DDX51: variants seen among roughly 807,000 people sequenced by gnomAD.
DDX51 encodes ATP-dependent RNA helicase DDX51.
DDX51 carries 67 observed loss-of-function variants against 74.6 expected under a neutral mutation model. The observed-to-expected ratio is 0.90, with a 90% CI of 0.74 to 1.10. The LOEUF is 1.10. Among genes scored for constraint, DDX51 ranks in the 50% least tolerant of loss-of-function variants. The probability of loss-of-function intolerance (pLI) is 0.00; values close to 1 mark genes in which losing one functional copy is unlikely to be tolerated. For synonymous variants in DDX51, 545 were observed against 402.9 expected, an observed-to-expected ratio of 1.35 and a Z score of -4.22; for missense variants, 1,056 against 905.2, an observed-to-expected ratio of 1.17 and a Z score of -2.14.
chr12:132,143,798 G>C lies in DDX51; in HGVS notation c.416C>G (p.Ala139Gly). 6.6e-7 allele frequency: 1 copy of C among 1,523,712 alleles called. No individual in the cohort carries two copies. Among genetic ancestry groups the C allele is most frequent in the Non-Finnish European group, 8.8e-7 (1 of 1,141,164 alleles). The allele number at this position is 1,523,712 out of a possible 1,614,324, so 94.4% of individuals were successfully genotyped here. Residue 139 changes from alanine (A) to glycine (G), a missense_variant, in exon 2 of 15, where the codon GCC (alanine) becomes GGC (glycine). By Grantham distance (60) the Ala-to-Gly change is moderately conservative. Coordinates refer to ENST00000397333, the MANE Select transcript of DDX51 (RefSeq NM_175066.4). ...EEAPGERSTS[A>G]SAEAAPDGPA... ...TCCATCTGGGGCCGCCTCGGCGCTG[G>C]CGCTGGTGCTGCGCTCCCCCGGCGC...
chr12:132,139,370 C>T (rs1237767960), intron 14 of DDX51, 72 bp from the exon 15 acceptor site: 2 of 1,575,636 alleles, frequency 1.3e-6, no homozygotes, highest in Non-Finnish European at 1.7e-6. Context: ...CCGGGCTCTG[C>T]CCCTGGAACC....
chr12:132,140,754 G>A lies in DDX51; in HGVS notation c.1441-19C>T, dbSNP rs772659636. On this transcript the variant is annotated intron_variant, in intron 9 of 14. Coordinates refer to ENST00000397333, the MANE Select transcript of DDX51 (RefSeq NM_175066.4). ...AGTGGTGCTACAGGGACGGCAGGGG[G>A]TCGGGGTGGAGGTGAGGGTTGGTTA... is the stretch of plus-strand genomic sequence containing the variant. 7 of 1,613,022 alleles carry A rather than the reference G, an allele frequency of 4.3e-6. No homozygotes were observed. Among genetic ancestry groups the A allele is most frequent in the Non-Finnish European group, 5.9e-6 (7 of 1,179,970 alleles).
chr12:132,142,627 G>A (rs1237561423), intron 3 of DDX51, 101 bp downstream of exon 3: 13 of 1,530,016 alleles, frequency 8.5e-6, no homozygotes, highest in Non-Finnish European at 1.1e-5. Flanking sequence ...ACCACACTTG[G>A]CACCGATGTG....
chr12:132,139,765 C>G lies in DDX51; in HGVS notation c.1844G>C (p.Arg615Thr), dbSNP rs75236767. Reference protein sequence around the residue: ...AFTLLLKVQERRFLRMLTEAG... With the variant: ...AFTLLLKVQETRFLRMLTEAG... ...TTCAGTTAGCATTCGGAGGAATCTC[C>G]TCTCCTGGAGAGAAGCTCATGGTGG... The change falls in exon 14 of 15, where the codon AGG becomes ACG. Residue 615 changes from arginine to threonine, a missense_variant. Arg to Thr is a moderately conservative substitution (Grantham distance 71, BLOSUM62 -1). Transcript: ENST00000397333. 6 of 1,613,088 alleles carry G rather than the reference C, an allele frequency of 3.7e-6. No homozygotes were observed. The African/African-American group carries it at 6.7e-5, about 18-fold the overall frequency.
In DDX51 at chr12:132,136,710, G is replaced by A. The variant is rs1275788329; in HGVS notation, c.*2562C>T. 2.6e-5 allele frequency: 4 copies of A among 152,338 alleles called. No individual in the cohort carries two copies. The highest frequency in any genetic ancestry group is 9.7e-5 in the African/African-American group (4 of 41,418). 9.4% of individuals were successfully genotyped at this position (152,338 alleles called of 1,614,324 possible). A position where few individuals can be genotyped will look rare whatever the true frequency, so the allele number is the denominator to read the frequency against. On this transcript the variant is annotated 3_prime_UTR_variant, in exon 15 of 15. Coordinates refer to ENST00000397333, the MANE Select transcript of DDX51 (RefSeq NM_175066.4). ...AAGGTTTCTTTTTTTTCTGTCGCCA[G>A]GCTGCAGTGCAGTGGGCTGATCTTG... is the stretch of plus-strand genomic sequence containing the variant.
chr12:132,139,958 CCT>C (rs751933021), intron 12 of DDX51, 34 bp from the exon 13 acceptor site: 47 of 1,612,582 alleles, frequency 2.9e-5, no homozygotes, highest in South Asian at 7.7e-5. Flanking sequence ...CAGACTGGCC[CCT>C]GAGCCTTCAA....
rs1168332300 is a variant in DDX51 at position 132,139,280 on chromosome 12, C to T, written c.1993G>A (p.Ala665Thr). The change falls in exon 15 of 15, where the codon GCG (alanine) becomes ACG (threonine). Residue 665 changes from alanine to threonine, a missense_variant. Coordinates refer to ENST00000397333, the MANE Select transcript of DDX51 (RefSeq NM_175066.4). ...GCCCTCTGAGCCCCAGCCTAGGCCG[C>T]CCTCTGCTTGCGCTCTTCCTGTGGA... ...ESVKEERKQRAA is the reference protein window; with the variant it reads ...ESVKEERKQRTA 2.5e-6 allele frequency: 4 copies of T among 1,608,916 alleles called. No individual in the cohort carries two copies.
rs1441566109 is a variant in DDX51, at chr12:132,144,069, C to G, written c.228G>C (p.Val76=). Residue 76 remains valine, a synonymous_variant, in exon 1 of 15, where the codon GTG becomes GTC. Transcript: ENST00000397333. ...RRRRPRRRRR[V]NDAEPGSPEA... The stretch of plus-strand genomic sequence containing the variant: ...CCGGGCTCCCCGGCTCCGCGTCGTT[C>G]ACCCGCCGCCGCCGCCGGGGCCGCC... The G allele has an allele frequency of 3.6e-5, 45 of 1,252,148 alleles. No individual in the cohort carries two copies. The highest frequency in any genetic ancestry group is 4.4e-5 in the Non-Finnish European group (44 of 1,001,610). The allele number at this position is 1,252,148 out of a possible 1,614,324, so 77.6% of individuals were successfully genotyped here. A position where few individuals can be genotyped will look rare whatever the true frequency, so the allele number is the denominator to read the frequency against.
chr12:132,140,554 G>A lies in DDX51; in HGVS notation c.1557-15C>T, dbSNP rs769362637. ...GCAGGAAGAGCCTAGGCAGAGAGAAGGCTGCGGCCAAGTGATGCTGGGACC... is the reference window on the plus strand; with the variant it reads ...GCAGGAAGAGCCTAGGCAGAGAGAAAGCTGCGGCCAAGTGATGCTGGGACC... On this transcript the variant is annotated splice_polypyrimidine_tract_variant and intron_variant, in intron 10 of 14. Transcript: ENST00000397333. The A allele has an allele frequency of 1.9e-6, 3 of 1,612,856 alleles. No individual in the cohort carries two copies. The highest frequency in any genetic ancestry group is 2.2e-5 in the East Asian group (1 of 44,906).
chr12:132,139,013 C>T lies in DDX51; in HGVS notation c.*259G>A, dbSNP rs559960267. On this transcript the variant is annotated 3_prime_UTR_variant, in exon 15 of 15. Transcript: ENST00000397333. ...GCGTCCGTCTGGGAGTACTTTTCAC[C>T]GTTTTACTAAGGCTTCATTGCCCGC... The T allele has an allele frequency of 1.1e-4, 56 of 516,548 alleles. 1 individual carries two copies. The East Asian group carries it at 1.5e-3, about 14-fold the overall frequency. 32.0% of individuals were successfully genotyped at this position (516,548 alleles called of 1,614,324 possible).
intron 6 of DDX51, 80 bp from the exon 7 acceptor site, chr12:132,141,686 C>T: frequency 1.3e-6 from 2 of 1,500,312 alleles, no homozygotes; most frequent in South Asian, 1.3e-5. Flanking sequence ...CACCCCACAG[C>T]CCCGACTCCA....
In DDX51 at chr12:132,141,567, G is replaced by A. The variant is rs758445408; in HGVS notation, c.1035C>T (p.Ala345=). ...GYRCLADIVV[A]TPGRLVDHID... Reference sequence around the variant, plus strand: ...TGTGGTCCACCAGGCGGCCGGGGGTGGCTACCACGATGTCAGCCAAGCAGC... The same window carrying A: ...TGTGGTCCACCAGGCGGCCGGGGGTAGCTACCACGATGTCAGCCAAGCAGC... The change falls in exon 7 of 15, where the codon GCC becomes GCT. Residue 345 remains alanine (A), a synonymous_variant. Transcript: ENST00000397333. The A allele has an allele frequency of 2.5e-6, 4 of 1,604,050 alleles. No individual in the cohort carries two copies. The African/African-American group carries it at 5.3e-5, about 21-fold the overall frequency.
chr12:132,143,465 G>C (rs1897559894), intron 2 of DDX51: 2 of 613,870 alleles, frequency 3.3e-6, no homozygotes, highest in South Asian at 2.0e-5. Flanking sequence ...ACATCTTGCA[G>C]AACTGGCGCG....
At position 132,140,136 on chromosome 12, in the gene DDX51, G is replaced by C; in HGVS notation, c.1737C>G (p.Asn579Lys). The C allele has an allele frequency of 6.2e-7, 1 of 1,612,872 alleles. No individual in the cohort carries two copies. The highest frequency in any genetic ancestry group is 8.5e-7 in the Non-Finnish European group (1 of 1,179,982). The part of the protein sequence containing the change: ...IDVQGVELVV[N>K]YDAPQYLRTY... ...TTCTCAGGTACTGGGGGGCGTCGTA[G>C]TTCACCACCAGCTCCACACCCTGCA... The change falls in exon 12 of 15, where the codon AAC (asparagine) becomes AAG (lysine). Residue 579 changes from asparagine (N) to lysine (K), a missense_variant. Physicochemically the swap from Asn to Lys is moderately conservative, Grantham distance 94. Coordinates refer to ENST00000397333, the MANE Select transcript of DDX51 (RefSeq NM_175066.4).
Position 132,138,134 on chromosome 12 carries a change from T to C in DDX51, c.*1138A>G, listed in dbSNP as rs949810981. On this transcript the variant is annotated 3_prime_UTR_variant, in exon 15 of 15. Coordinates refer to ENST00000397333, the MANE Select transcript of DDX51 (RefSeq NM_175066.4). ...GTGCTGCTGAGAGATTTGTGTACGTTTCTGTGTGGATGTAGGTTTCATTGA... is the reference window on the plus strand; with the variant it reads ...GTGCTGCTGAGAGATTTGTGTACGTCTCTGTGTGGATGTAGGTTTCATTGA... 1 of 152,366 alleles carries C rather than the reference T, an allele frequency of 6.6e-6. No homozygotes were observed. Among genetic ancestry groups the C allele is most frequent in the East Asian group, 1.9e-4 (1 of 5,202 alleles). The allele number at this position is 152,366 out of a possible 1,614,324, so 9.4% of individuals were successfully genotyped here.
At position 132,141,947 on chromosome 12, in the gene DDX51, CTT is replaced by C; in HGVS notation, c.896_897del (p.Lys299SerfsTer35). The stretch of plus-strand genomic sequence containing the variant: ...GTGGCATCTGTGTAGATGTTGAAAA[CTT>C]TGCTCACCTGCAGGAGAAGTCTGTC... ...PTKELAQQVS[K>X]VFNIYTDATP... On this transcript the variant is annotated frameshift_variant, in exon 6 of 15. Transcript: ENST00000397333. LOFTEE classifies it high-confidence loss of function. 1.2e-6 allele frequency: 2 copies of C among 1,612,770 alleles called. No homozygotes were observed. The highest frequency in any genetic ancestry group is 1.7e-6 in the Non-Finnish European group (2 of 1,179,882).
intron 2 of DDX51, chr12:132,143,284 G>A (rs539561219): frequency 6.2e-5 from 25 of 404,526 alleles, no homozygotes; most frequent in South Asian, 3.1e-4. Flanking sequence ...TAAGGTGCCC[G>A]AGCACTCTGT....
chr12:132,139,355 GGGCCCC>G, intron 14 of DDX51, 57 bp from the exon 15 acceptor site: 1 of 1,589,342 alleles, frequency 6.3e-7, no homozygotes. Context: ...ATCGTCTGTG[GGGCCCC>G]GGGCTCTGCC....
rs1485051944 is a variant in DDX51, at chr12:132,142,170, G to A, written c.837C>T (p.Val279=). 2 of 1,556,290 alleles carry A rather than the reference G, an allele frequency of 1.3e-6. No homozygotes were observed. Among genetic ancestry groups the A allele is most frequent in the African/African-American group, 1.4e-5 (1 of 73,486 alleles). Residue 279 remains valine (V), a synonymous_variant, in exon 5 of 15, where the codon GTC becomes GTT. Coordinates refer to ENST00000397333, the MANE Select transcript of DDX51 (RefSeq NM_175066.4). ...PVVQALLSRV[V]CHIRALVVLP... ...GCACAACCAGGGCACGGATGTGGCAGACCACTCTCGAAAGCAGGGCCTGAG... is the reference window on the plus strand; with the variant it reads ...GCACAACCAGGGCACGGATGTGGCAAACCACTCTCGAAAGCAGGGCCTGAG...
Sources: gnomAD v4.1 joint callset for allele counts on GRCh38, gnomAD v4.1.1 for gene constraint, MANE v1.5 for transcripts, NCBI Gene and HGNC (gene_info 2026-07-23, HGNC 2026-07-21) for gene names.